The following TECPR2 variants were observed in gnomAD, a reference collection of about 807,000 sequenced individuals.
TECPR2 encodes the protein tectonin beta-propeller repeat containing 2.
In TECPR2, 65 loss-of-function variants were observed where a neutral mutation model predicts 138.1. The ratio of observed to expected loss-of-function variants is 0.47; its 90% CI spans 0.39 to 0.58. TECPR2 has a LOEUF of 0.58. Ranked by LOEUF, TECPR2 falls within the 20% of genes least tolerant of loss-of-function variation. TECPR2 has a pLI of 0.00. For missense variants in TECPR2, 1,553 were observed against 1,824.5 expected, an observed-to-expected ratio of 0.85 and a Z score of 2.71; for synonymous variants, 746 against 749.8, an observed-to-expected ratio of 0.99 and a Z score of 0.08.
At chr14:102,373,507 T>C (rs1887560893) in intron 1 of TECPR2, among the ~76,000 whole-genome samples, 1 of 152,224 alleles carries the variant, frequency 6.6e-6, no homozygotes, top group African/African-American at 2.4e-5. Flanking sequence ...TAGGCTAGGC[T>C]AAGCTAAGAT....
intron 2 of TECPR2, among the ~76,000 whole-genome samples, chr14:102,403,403 A>G (rs1888550953): frequency 6.6e-6 from 1 of 152,224 alleles, no homozygotes. Context: ...CCATATATGA[A>G]AAACAGTGAA....
At chr14:102,483,791 C>CTTTTTCT (rs1890950185) in intron 17 of TECPR2, among the ~76,000 whole-genome samples, 6 of 92,442 alleles carry the variant, frequency 6.5e-5, no homozygotes, top group African/African-American at 1.7e-4. Flanking sequence ...TTTTCCTTTT[C>CTTTTTCT]TTTTTTTTTT....
chr14:102,484,633 C>T (rs938172084), intron 17 of TECPR2, among the ~76,000 whole-genome samples: 5 of 152,148 alleles, frequency 3.3e-5, no homozygotes, highest in African/African-American at 4.8e-5. Context: ...CTGCTTCCTC[C>T]CCTCATTCTC....
chr14:102,469,706 C>T (rs940044387), intron 17 of TECPR2, among the ~76,000 whole-genome samples: 3 of 152,064 alleles, frequency 2.0e-5, no homozygotes, highest in African/African-American at 7.2e-5. Flanking sequence ...TTTGTGTTTT[C>T]TTAGGCTCCC....
In TECPR2 at chr14:102,497,093, G is replaced by T; in HGVS notation, c.3904G>T (p.Val1302Leu). The T allele has an allele frequency of 6.2e-7, 1 of 1,612,724 alleles. No individual in the cohort carries two copies. The highest frequency in any genetic ancestry group is 1.6e-4 in the Middle Eastern group (1 of 6,062). The change falls in exon 18 of 20, where the codon GTG (valine) becomes TTG (leucine). Residue 1302 changes from valine (V) to leucine (L), a missense_variant. Physicochemically the swap from Val to Leu is conservative, Grantham distance 32 (BLOSUM62 1). Transcript: ENST00000359520. ...VRTGITEEMP[V>L]GTAWEHVPGL... ...GACCGGGATCACCGAGGAGATGCCT[G>T]TGGGGACCGCCTGGGAGCATGTGCC...
Position 102,431,638 on chromosome 14 carries a change from A to G in TECPR2, c.1085-158A>G, listed in dbSNP as rs572276757. Among the ~76,000 whole-genome samples, 15 of 152,264 alleles carry G rather than the reference A, an allele frequency of 9.9e-5. No individual in the cohort carries two copies. The South Asian group carries it at 1.7e-3, about 17-fold the overall frequency. On this transcript the variant is annotated intron_variant, in intron 7 of 19. Transcript: ENST00000359520. ...ATTACAGGCGTGAGTCACCGTGCCC[A>G]TCCTAGTTTTGCTGGTTTCTATGAA...
Position 102,414,683 on chromosome 14 carries a change from G to A in TECPR2, c.528G>A (p.Val176=), listed in dbSNP as rs770357965. The A allele has an allele frequency of 1.2e-6, 2 of 1,614,092 alleles. No homozygotes were observed. The highest frequency in any genetic ancestry group is 1.3e-5 in the African/African-American group (1 of 74,928). ...QLVLEEPSSI[V]QLDYSQKVLL... Reference sequence around the variant, plus strand: ...TGTTGGAGGAGCCATCTTCCATTGTGCAGCTGGATTATAGCCAGAAAGTGC... The same window carrying A: ...TGTTGGAGGAGCCATCTTCCATTGTACAGCTGGATTATAGCCAGAAAGTGC... The change falls in exon 5 of 20, where the codon GTG becomes GTA. Residue 176 remains valine, a synonymous_variant. Coordinates refer to ENST00000359520, the MANE Select transcript of TECPR2 (RefSeq NM_014844.5).
chr14:102,430,173 C>T (rs1049956918), intron 7 of TECPR2, among the ~76,000 whole-genome samples: 1 of 151,976 alleles, frequency 6.6e-6, no homozygotes, highest in Non-Finnish European at 1.5e-5. Flanking sequence ...CACCATGCAC[C>T]ATGTTACCCA....
At position 102,434,498 on chromosome 14, in the gene TECPR2, G is replaced by A; in HGVS notation, c.1681G>A (p.Ala561Thr). 1 of 1,562,918 alleles carries A rather than the reference G, an allele frequency of 6.4e-7. No individual in the cohort carries two copies. Among genetic ancestry groups the A allele is most frequent in the Non-Finnish European group, 8.7e-7 (1 of 1,154,722 alleles). ...EVSGSMPDSL[A>T]EEDDIRTEMP... ...GTCAGGATCAATGCCTGATTCTCTG[G>A]CTGAGGAAGATGACATTAGAACTGA... The change falls in exon 9 of 20, where the codon GCT becomes ACT. Residue 561 changes from alanine to threonine, a missense_variant. Coordinates refer to ENST00000359520, the MANE Select transcript of TECPR2 (RefSeq NM_014844.5).
intron 17 of TECPR2, among the ~76,000 whole-genome samples, chr14:102,476,219 A>C (rs1390343083): frequency 3.3e-5 from 5 of 150,882 alleles, no homozygotes; most frequent in Non-Finnish European, 4.4e-5. Context: ...AAAAAAAAAA[A>C]AAAAAAAAAA....
At chr14:102,403,981 T>G (rs1223019205) in intron 2 of TECPR2, among the ~76,000 whole-genome samples, 1 of 151,990 alleles carries the variant, frequency 6.6e-6, no homozygotes, top group Non-Finnish European at 1.5e-5. Flanking sequence ...CACTGCAGCC[T>G]CAATCTCCTA....
At chr14:102,397,681 A>G (rs1219841927) in intron 2 of TECPR2, among the ~76,000 whole-genome samples, 2 of 152,154 alleles carry the variant, frequency 1.3e-5, no homozygotes, top group Non-Finnish European at 2.9e-5. Flanking sequence ...TGGGAGGCAG[A>G]GGTTGCAGTG....
At chr14:102,364,330 T>C (rs1274915669) in intron 1 of TECPR2, among the ~76,000 whole-genome samples, 1 of 152,168 alleles carries the variant, frequency 6.6e-6, no homozygotes, top group Non-Finnish European at 1.5e-5. Flanking sequence ...ACCTTATTTT[T>C]GTTGTTGTTG....
chr14:102,468,397 C>T (rs1890596325), intron 17 of TECPR2, among the ~76,000 whole-genome samples: 1 of 152,182 alleles, frequency 6.6e-6, no homozygotes, highest in Admixed American at 6.5e-5. Flanking sequence ...CCATGTTGGC[C>T]AGGCTGGTCT....
intron 2 of TECPR2, among the ~76,000 whole-genome samples, chr14:102,380,193 A>G (rs1233739755): frequency 2.6e-5 from 4 of 151,438 alleles, no homozygotes; most frequent in East Asian, 3.9e-4. Context: ...GAGGCACCCT[A>G]GTCACACTGC....
At chr14:102,485,018 A>G (rs1469887323) in intron 17 of TECPR2, among the ~76,000 whole-genome samples, 1 of 151,112 alleles carries the variant, frequency 6.6e-6, no homozygotes, top group Admixed American at 6.6e-5. Context: ...AGGGAGTGAA[A>G]GAGTAATTGT....
chr14:102,495,318 C>T (rs1294852050), intron 17 of TECPR2, among the ~76,000 whole-genome samples: 6 of 152,198 alleles, frequency 3.9e-5, no homozygotes, highest in African/African-American at 1.4e-4. Context: ...GAGCTGCGAC[C>T]AAGTCTGGAT....
intron 17 of TECPR2, among the ~76,000 whole-genome samples, chr14:102,495,888 C>T (rs1270431418): frequency 3.9e-5 from 6 of 152,226 alleles, no homozygotes; most frequent in Admixed American, 1.3e-4. Context: ...GAGGGCACCT[C>T]GATCCGGGAG....
intron 2 of TECPR2, among the ~76,000 whole-genome samples, chr14:102,383,982 G>A (rs1026724122): frequency 6.7e-6 from 1 of 149,898 alleles, no homozygotes; most frequent in Non-Finnish European, 1.5e-5. Flanking sequence ...GTGCAGTGGC[G>A]CAACCTCGGC....
Sources: gnomAD v4.1 joint callset for allele counts (sites outside exome capture counted in the v4.1 genomes callset) on GRCh38, gnomAD v4.1.1 for gene constraint, MANE v1.5 for transcripts, NCBI Gene and HGNC (gene_info 2026-07-23, HGNC 2026-07-21) for gene names.